The following CARS2 variants were observed in gnomAD, a reference collection of about 807,000 sequenced individuals.
CARS2 encodes the protein cysteinyl-tRNA synthetase 2, mitochondrial.
In CARS2, 52 loss-of-function variants were observed where a neutral mutation model predicts 68.8. That is an observed-to-expected ratio of 0.76 (90% confidence interval 0.61 to 0.95). The LOEUF (loss-of-function observed/expected upper bound fraction) is 0.95. Ranked by LOEUF, CARS2 falls within the 40% of genes least tolerant of loss-of-function variation. CARS2 has a pLI of 0.00. For missense variants in CARS2, 780 were observed against 754.2 expected (o/e 1.03, Z -0.40); for synonymous variants, 314 against 303.6 (o/e 1.03, Z -0.36).
chr13:110,713,277 A>C, exon 1 of CARS2: 1 of 1,290,422 alleles, frequency 7.7e-7, no homozygotes, highest in Non-Finnish European at 9.8e-7. Context: ...GGGGCTGAGG[A>C]GCGAGTTGCG....
At chr13:110,712,903 G>A (rs577423815) in intron 1 of CARS2, 11 of 1,526,492 alleles carry the variant, frequency 7.2e-6, no homozygotes, top group South Asian at 1.2e-5. Context: ...ACGACACAAA[G>A]GGAGGGCGGT....
Position 110,683,130 on chromosome 13 carries a change from A to G in CARS2, c.576T>C (p.Asn192=). The G allele has an allele frequency of 1.3e-6, 2 of 1,584,382 alleles. No individual in the cohort carries two copies. Among genetic ancestry groups the G allele is most frequent in the Middle Eastern group, 2.0e-4 (1 of 5,078 alleles). The part of the protein sequence containing the change: ...RGNAYSTAKG[N]VYFDLKSRGD... ...CTCTAGACTTCAGATCGAAGTAGAC[A>G]TTGCCTGTTTATAAAGACAATTATG... Residue 192 remains asparagine, a synonymous_variant, in exon 6 of 15, where the codon AAT becomes AAC. Coordinates refer to ENST00000257347, the MANE Select transcript of CARS2 (RefSeq NM_024537.4).
chr13:110,673,333 A>G (rs1594316546), intron 7 of CARS2, among the ~76,000 whole-genome samples: 1 of 152,210 alleles, frequency 6.6e-6, no homozygotes, highest in South Asian at 2.1e-4. Flanking sequence ...GGCAAACCGA[A>G]TCCAGCAGCA....
intron 13 of CARS2, chr13:110,643,045 T>C (rs1467417857): frequency 9.2e-6 from 3 of 327,446 alleles, no homozygotes; most frequent in Non-Finnish European, 1.2e-5. Context: ...TACCTATTTG[T>C]TAAATCCATG....
chr13:110,685,391 G>A (rs958919083), intron 5 of CARS2, among the ~76,000 whole-genome samples: 1 of 152,098 alleles, frequency 6.6e-6, no homozygotes, highest in African/African-American at 2.4e-5. Context: ...CATACACAGA[G>A]CCTACTGAGC....
At chr13:110,706,347 G>A, upstream of CARS2, 1 of 285,650 alleles carries the variant, frequency 3.5e-6, no homozygotes, top group Non-Finnish European at 6.4e-6. Flanking sequence ...TGCCGCGCCG[G>A]GAGGCCGTGG....
Position 110,658,890 on chromosome 13 carries a change from C to T in CARS2, c.987+4561G>A, listed in dbSNP as rs956912928. 2.0e-5 allele frequency among the ~76,000 whole-genome samples: 3 copies of T among 152,096 alleles called. 1 individual carries two copies. In the South Asian group the frequency reaches 6.2e-4, roughly 32 times the overall value. On this transcript the variant is annotated intron_variant, in intron 9 of 14. Transcript: ENST00000257347. ...GTTGCAGTGAGCTGAGATCACGCCA[C>T]TGTACTCCAGCCTGGGTGATAGTGA...
Position 110,642,434 on chromosome 13 carries a change from G to C in CARS2, c.1504C>G (p.Leu502Val). 1 of 1,606,272 alleles carries C rather than the reference G, an allele frequency of 6.2e-7. No homozygotes were observed. The highest frequency in any genetic ancestry group is 8.5e-7 in the Non-Finnish European group (1 of 1,176,898). Residue 502 changes from leucine to valine, a missense_variant, in exon 14 of 15, where the codon CTG becomes GTG. Transcript: ENST00000257347. ...RFRQKVRQFA[L>V]AMPEATGDAR... ...TCCCCCGTGGCCTCGGGCATGGCCA[G>C]CGCAAACTGCCGGACCTTCTGCCGG... is the stretch of plus-strand genomic sequence containing the variant.
At chr13:110,646,116 C>A in intron 11 of CARS2, 26 bp from the exon 12 acceptor site, 1 of 1,606,772 alleles carries the variant, frequency 6.2e-7, no homozygotes, top group Non-Finnish European at 8.5e-7. Context: ...AGAACAGTCA[C>A]AGCAGAGGGA....
At chr13:110,664,494 G>T in intron 8 of CARS2, 1 of 649,632 alleles carries the variant, frequency 1.5e-6, no homozygotes, top group Non-Finnish European at 1.9e-6. Flanking sequence ...TCCAGCCTGG[G>T]CCACAGAGCG....
chr13:110,642,273 C>T lies in CARS2; in HGVS notation c.1623+42G>A, dbSNP rs757675624. The T allele has an allele frequency of 3.8e-5, 57 of 1,492,586 alleles. 1 individual carries two copies. The highest frequency in any genetic ancestry group is 4.6e-4 in the Middle Eastern group (2 of 4,370). 92.5% of individuals were successfully genotyped at this position (1,492,586 alleles called of 1,614,324 possible). A position where few individuals can be genotyped will look rare whatever the true frequency, so the allele number is the denominator to read the frequency against. ...TGGCCCCACGTCCTGTTGACCTACC[C>T]GGCTCCTGGGGTGATGTCCCTGACC... On this transcript the variant is annotated intron_variant, in intron 14 of 14. Coordinates refer to ENST00000257347, the MANE Select transcript of CARS2 (RefSeq NM_024537.4).
intron 8 of CARS2, chr13:110,666,231 C>T (rs534552989): frequency 2.0e-5 from 20 of 985,364 alleles, no homozygotes; most frequent in Middle Eastern, 1.0e-3. Context: ...CCCATGTGAG[C>T]GCCAGCTGAA....
intron 7 of CARS2, among the ~76,000 whole-genome samples, chr13:110,669,775 TG>T (rs2062751184): frequency 6.6e-6 from 1 of 151,934 alleles, no homozygotes; most frequent in Non-Finnish European, 1.5e-5. Context: ...GCCTCACCTG[TG>T]AAGTGTGAGG....
upstream of CARS2, among the ~76,000 whole-genome samples, chr13:110,711,333 C>G (rs1360459017): frequency 6.6e-6 from 1 of 152,200 alleles, no homozygotes; most frequent in African/African-American, 2.4e-5. Context: ...CTGTCTCAGC[C>G]TCCCCAATAG....
At chr13:110,712,853 C>A in intron 1 of CARS2, 1 of 1,148,784 alleles carries the variant, frequency 8.7e-7, no homozygotes, top group Non-Finnish European at 1.3e-6. Context: ...CCCTCTCAGG[C>A]CCCTTTGTCT....
intron 3 of CARS2, among the ~76,000 whole-genome samples, chr13:110,690,606 G>A (rs563417534): frequency 2.6e-5 from 4 of 152,306 alleles, no homozygotes; most frequent in South Asian, 4.1e-4. Context: ...GTCCTGTCCC[G>A]ATGCACATCC....
chr13:110,712,531 G>GC (rs1555306519), intron 1 of CARS2: 1 of 163,886 alleles, frequency 6.1e-6, no homozygotes, highest in African/African-American at 1.5e-4. Flanking sequence ...TTGGCCGGAA[G>GC]GGGGGGGGCC....
upstream of CARS2, among the ~76,000 whole-genome samples, chr13:110,710,487 T>G (rs1009520109): frequency 6.6e-6 from 1 of 152,264 alleles, no homozygotes; most frequent in Non-Finnish European, 1.5e-5. Context: ...AGTTTAATTT[T>G]AAATGTTTCT....
rs2062627238 is a variant in CARS2, at chr13:110,665,613, G to A, written c.919+1727C>T. The A allele has an allele frequency of 4.1e-6, 4 of 985,262 alleles. No homozygotes were observed. The highest frequency in any genetic ancestry group is 4.8e-6 in the Non-Finnish European group (4 of 829,946). 61.0% of individuals were successfully genotyped at this position (985,262 alleles called of 1,614,324 possible). On this transcript the variant is annotated intron_variant, in intron 8 of 14. Transcript: ENST00000257347. The surrounding 1 kb of genome is among the most constrained non-coding windows in gnomAD (Gnocchi z 4.3). ...CGCAGAAGGGCTCACAGCAGGTCAT[G>A]GTTGTCAGTAACAAACCCTGACCTA... is the stretch of plus-strand genomic sequence containing the variant.
Sources: allele counts gnomAD v4.1 joint callset (sites outside exome capture counted in the v4.1 genomes callset), GRCh38; gene constraint gnomAD v4.1.1; non-coding constraint Gnocchi (gnomAD v3.1); transcripts MANE v1.5; gene names NCBI Gene and HGNC (gene_info 2026-07-23, HGNC 2026-07-21).